TAS2R1: variants seen among roughly 807,000 people sequenced by gnomAD.
TAS2R1 encodes the protein taste receptor type 2 member 1.
For synonymous variants in TAS2R1, 141 were observed against 134.2 expected, an observed-to-expected ratio of 1.05 and a Z score of -0.35; for missense variants, 370 against 353.4, an observed-to-expected ratio of 1.05 and a Z score of -0.38.
At chr5:9,719,648 G>A in the TAS2R1 span, among the ~76,000 whole-genome samples, 1 of 151,896 alleles carries the variant, frequency 6.6e-6, no homozygotes, top group South Asian at 2.1e-4. Flanking sequence ...TACACTTCTG[G>A]CCGGGCGCGG....
the TAS2R1 span, among the ~76,000 whole-genome samples, chr5:9,725,616 C>T: frequency 1.3e-5 from 2 of 152,206 alleles, no homozygotes; most frequent in Non-Finnish European, 2.9e-5. Flanking sequence ...CCCATCCGCC[C>T]CCGTGGGCTT....
chr5:9,801,381 T>A, the TAS2R1 span, among the ~76,000 whole-genome samples: 1 of 152,210 alleles, frequency 6.6e-6, no homozygotes, highest in African/African-American at 2.4e-5. Flanking sequence ...CCCAAGCTGA[T>A]ATTTTTGGAG....
the TAS2R1 span, among the ~76,000 whole-genome samples, chr5:9,735,822 C>A: frequency 6.6e-6 from 1 of 152,186 alleles, no homozygotes; most frequent in Admixed American, 6.5e-5. Flanking sequence ...CCTCATATAA[C>A]AGCAATATTC....
intron 1 of TAS2R1, among the ~76,000 whole-genome samples, chr5:9,664,660 T>C (rs1364874709): frequency 6.6e-6 from 1 of 152,182 alleles, no homozygotes; most frequent in Non-Finnish European, 1.5e-5. Flanking sequence ...CGTGGGATTC[T>C]CTCCTCTCAA....
chr5:9,830,604 C>T, the TAS2R1 span, among the ~76,000 whole-genome samples: 5 of 65,136 alleles, frequency 7.7e-5, no homozygotes, highest in Admixed American at 1.8e-4. Context: ...CACGTGCGCG[C>T]GCACACACAC....
the TAS2R1 span, among the ~76,000 whole-genome samples, chr5:9,815,906 G>A: frequency 6.6e-6 from 1 of 152,014 alleles, no homozygotes; most frequent in African/African-American, 2.4e-5. Context: ...ACCCTCTTAG[G>A]GTCATTAATG....
At chr5:9,773,522 C>A in the TAS2R1 span, among the ~76,000 whole-genome samples, 1 of 152,072 alleles carries the variant, frequency 6.6e-6, no homozygotes, top group Non-Finnish European at 1.5e-5. Context: ...GAGTTTTGTA[C>A]CTTCAGATGA....
chr5:9,657,491 T>C (rs909909796), intron 2 of TAS2R1, among the ~76,000 whole-genome samples: 12 of 152,158 alleles, frequency 7.9e-5, no homozygotes, highest in Non-Finnish European at 1.5e-5. Flanking sequence ...AGAGACAAGA[T>C]GATGTTTAGG....
At chr5:9,719,918 CAA>C in the TAS2R1 span, among the ~76,000 whole-genome samples, 2 of 64,336 alleles carry the variant, frequency 3.1e-5, no homozygotes, top group African/African-American at 7.1e-5. Flanking sequence ...GATTCCGATT[CAA>C]AAAAAAAAAA....
At chr5:9,845,403 A>G in the TAS2R1 span, among the ~76,000 whole-genome samples, 1 of 152,198 alleles carries the variant, frequency 6.6e-6, no homozygotes, top group African/African-American at 2.4e-5. Context: ...CATGCAGTAA[A>G]CATTTAATGA....
intron 2 of TAS2R1, among the ~76,000 whole-genome samples, chr5:9,635,767 T>C (rs1380952569): frequency 6.6e-6 from 1 of 152,086 alleles, no homozygotes; most frequent in Non-Finnish European, 1.5e-5. Flanking sequence ...TGTATTTCTA[T>C]GGTATCGGTT....
At chr5:9,686,834 A>G (rs966224536) in intron 1 of TAS2R1, among the ~76,000 whole-genome samples, 7 of 152,250 alleles carry the variant, frequency 4.6e-5, no homozygotes, top group Non-Finnish European at 1.0e-4. Context: ...AGCCATATCT[A>G]TCAGATAATT....
At chr5:9,665,385 C>T (rs1740611960) in intron 1 of TAS2R1, among the ~76,000 whole-genome samples, 1 of 152,250 alleles carries the variant, frequency 6.6e-6, no homozygotes, top group Non-Finnish European at 1.5e-5. Context: ...TTTCCATGTA[C>T]AGTAACATTT....
the TAS2R1 span, among the ~76,000 whole-genome samples, chr5:9,780,211 C>T: frequency 6.6e-6 from 1 of 152,194 alleles, no homozygotes; most frequent in African/African-American, 2.4e-5. Flanking sequence ...GCTCTCTGCC[C>T]CTGTACAGCA....
the TAS2R1 span, among the ~76,000 whole-genome samples, chr5:9,831,180 G>A: frequency 6.6e-6 from 1 of 152,138 alleles, no homozygotes; most frequent in South Asian, 2.1e-4. Context: ...AGTTGGGACT[G>A]TAACTTGGTG....
the TAS2R1 span, among the ~76,000 whole-genome samples, chr5:9,895,801 T>G: frequency 2.6e-5 from 4 of 152,218 alleles, no homozygotes; most frequent in Non-Finnish European, 5.9e-5. Context: ...GAAATTATAA[T>G]TCTAGAGGCA....
At chr5:9,655,302 A>C (rs149646992) in intron 2 of TAS2R1, among the ~76,000 whole-genome samples, 1 of 152,332 alleles carries the variant, frequency 6.6e-6, no homozygotes, top group Non-Finnish European at 1.5e-5. Context: ...GTATCTCAAT[A>C]AAAATTAATT....
chr5:9,788,599 A>G, the TAS2R1 span, among the ~76,000 whole-genome samples: 1 of 152,216 alleles, frequency 6.6e-6, no homozygotes, highest in Non-Finnish European at 1.5e-5. Flanking sequence ...TCTTAAAAAA[A>G]ATAAAATAAA....
At chr5:9,888,119 C>A in the TAS2R1 span, among the ~76,000 whole-genome samples, 1 of 152,070 alleles carries the variant, frequency 6.6e-6, no homozygotes, top group Non-Finnish European at 1.5e-5. Flanking sequence ...CTCTTTTACT[C>A]TGAGTGTAGG....
Sources: allele counts gnomAD v4.1 joint callset (sites outside exome capture counted in the v4.1 genomes callset), GRCh38; gene constraint gnomAD v4.1.1; transcripts MANE v1.5; gene names NCBI Gene and HGNC (gene_info 2026-07-23, HGNC 2026-07-21).